The following FREM1 variants were observed in gnomAD, a reference collection of about 807,000 sequenced individuals.
FREM1 encodes the protein FRAS1-related extracellular matrix protein 1.
Under a neutral mutation model 210.1 loss-of-function variants are expected in FREM1, and 220 were observed. The observed-to-expected ratio is 1.05, with a 90% CI of 0.94 to 1.17. The LOEUF (loss-of-function observed/expected upper bound fraction) is 1.17, where lower values mean the gene tolerates loss of function less well. Ranked by LOEUF, FREM1 falls within the 50% of genes most tolerant of loss-of-function variation. The probability of loss-of-function intolerance (pLI) is 0.00; values close to 1 mark genes in which losing one functional copy is unlikely to be tolerated. For synonymous variants in FREM1, 1,189 were observed against 980.2 expected (o/e 1.21, Z -3.98); for missense variants, 3,454 against 2,675.5 (o/e 1.29, Z -6.42).
intron 24 of FREM1, chr9:14,782,330 G>T: frequency 1.0e-6 from 1 of 977,950 alleles, no homozygotes; most frequent in Non-Finnish European, 1.2e-6. Flanking sequence ...CGTTTCATAC[G>T]GAGGTTTTGT....
intron 28 of FREM1, among the ~76,000 whole-genome samples, chr9:14,758,760 C>T (rs370024484): frequency 6.6e-6 from 1 of 152,058 alleles, no homozygotes; most frequent in South Asian, 2.1e-4. Flanking sequence ...TCTCTTGAAG[C>T]GCTCTTGTTA....
Position 14,859,260 on chromosome 9 carries a change from T to C in FREM1, c.554A>G (p.His185Arg). ...AGGCTCCCCGAGAACCATCTGGCCA[T>C]GGGCTGGCAGCCGAGTTCTCGCAGT... ...LDTARTRLPA[H>R]GQMVLGEPRP... The change falls in exon 4 of 37, where the codon CAT becomes CGT. Residue 185 changes from histidine to arginine, a missense_variant. Transcript: ENST00000380880. The C allele has an allele frequency of 6.2e-7, 1 of 1,613,540 alleles. No homozygotes were observed. Among genetic ancestry groups the C allele is most frequent in the Non-Finnish European group, 8.5e-7 (1 of 1,179,614 alleles).
intron 10 of FREM1, among the ~76,000 whole-genome samples, chr9:14,833,079 G>A (rs1310983474): frequency 2.6e-5 from 4 of 152,088 alleles, no homozygotes; most frequent in Non-Finnish European, 4.4e-5. Flanking sequence ...CCATTTTACC[G>A]TGGTGGCTGT....
chr9:14,909,251 C>A (rs533058805), intron 1 of FREM1, among the ~76,000 whole-genome samples: 2 of 152,120 alleles, frequency 1.3e-5, no homozygotes, highest in African/African-American at 4.8e-5. Context: ...TTTCCATAAG[C>A]CAAAAATTGT....
At chr9:14,841,297 A>T in intron 10 of FREM1, 150 bp downstream of exon 10, 1 of 576,732 alleles carries the variant, frequency 1.7e-6, no homozygotes. Flanking sequence ...GAGTAGTCCT[A>T]TTGCAAAGAA....
Position 14,836,880 on chromosome 9 carries a change from T to A in FREM1, c.1881+4567A>T, listed in dbSNP as rs1215956286. On this transcript the variant is annotated intron_variant, in intron 10 of 36. Transcript: ENST00000380880. This position sits in a 1 kb window ranked among gnomAD's most constrained non-coding sequence, Gnocchi z 4.9. ...AGTGTGATATTGCCGCAGGGAGGAATGTGGTAGGAGTTATTAAGAAAAAGA... is the reference window on the plus strand; with the variant it reads ...AGTGTGATATTGCCGCAGGGAGGAAAGTGGTAGGAGTTATTAAGAAAAAGA... Among the ~76,000 whole-genome samples the A allele has an allele frequency of 6.6e-6, 1 of 152,086 alleles. No homozygotes were observed. The highest frequency in any genetic ancestry group is 1.5e-5 in the Non-Finnish European group (1 of 68,020).
rs1824621638 is a variant in FREM1, at chr9:14,836,394, G to A, written c.1881+5053C>T. 6.6e-6 allele frequency among the ~76,000 whole-genome samples: 1 copy of A among 152,164 alleles called. No individual in the cohort carries two copies. Among genetic ancestry groups the A allele is most frequent in the South Asian group, 2.1e-4 (1 of 4,830 alleles). On this transcript the variant is annotated intron_variant, in intron 10 of 36. Transcript: ENST00000380880. This position sits in a 1 kb window ranked among gnomAD's most constrained non-coding sequence, Gnocchi z 4.9. ...CTAAGTCTGCTAGGATTTTTTATTGGATTTAGTGATGCACTTTTAAATGAA... is the reference window on the plus strand; with the variant it reads ...CTAAGTCTGCTAGGATTTTTTATTGAATTTAGTGATGCACTTTTAAATGAA...
At chr9:14,782,240 TG>T in intron 24 of FREM1, 1 of 341,304 alleles carries the variant, frequency 2.9e-6, no homozygotes, top group Non-Finnish European at 4.1e-6. Flanking sequence ...TAGAAATTCC[TG>T]GGATAAATGA....
At chr9:14,841,090 A>T (rs1825616917) in intron 10 of FREM1, among the ~76,000 whole-genome samples, 1 of 152,234 alleles carries the variant, frequency 6.6e-6, no homozygotes, top group Admixed American at 6.5e-5. Context: ...GTCAGTGTCA[A>T]GATCAAGAGG....
At chr9:14,891,557 C>T (rs1836820880) in intron 1 of FREM1, among the ~76,000 whole-genome samples, 1 of 152,052 alleles carries the variant, frequency 6.6e-6, no homozygotes, top group Admixed American at 6.5e-5. Context: ...CAAGACCCTG[C>T]CTCAGAAAAG....
At chr9:14,779,228 G>A (rs1428116264) in intron 24 of FREM1, among the ~76,000 whole-genome samples, 1 of 150,056 alleles carries the variant, frequency 6.7e-6, no homozygotes, top group Non-Finnish European at 1.5e-5. Context: ...ACATTAAACT[G>A]GCTCTCTGTT....
intron 1 of FREM1, among the ~76,000 whole-genome samples, chr9:14,904,764 G>A (rs1431540608): frequency 2.0e-5 from 3 of 152,046 alleles, no homozygotes; most frequent in Non-Finnish European, 2.9e-5. Context: ...AACTGTGTCC[G>A]ACTGTCCCCT....
chr9:14,737,704 G>T (rs1840655052), intron 36 of FREM1, 109 bp from the exon 37 acceptor site: 4 of 873,144 alleles, frequency 4.6e-6, no homozygotes, highest in Non-Finnish European at 6.5e-6. Flanking sequence ...GTGGGCCCAG[G>T]TTCTAAAACA....
In FREM1 at chr9:14,737,381, T is replaced by C. The variant is rs776065036; in HGVS notation, c.*15A>G. ...GTGACAAACTCCAGGTGGCCCCCTGTAGGGTCTGTTATATTTAGAGTTTTC... is the reference window on the plus strand; with the variant it reads ...GTGACAAACTCCAGGTGGCCCCCTGCAGGGTCTGTTATATTTAGAGTTTTC... On this transcript the variant is annotated 3_prime_UTR_variant, in exon 37 of 37. Coordinates refer to ENST00000380880, the MANE Select transcript of FREM1 (RefSeq NM_001379081.2). 10 of 1,605,722 alleles carry C rather than the reference T, an allele frequency of 6.2e-6. No individual in the cohort carries two copies. Among genetic ancestry groups the C allele is most frequent in the Non-Finnish European group, 7.7e-6 (9 of 1,174,098 alleles).
At chr9:14,780,575 T>C (rs1310852651) in intron 24 of FREM1, among the ~76,000 whole-genome samples, 1 of 152,124 alleles carries the variant, frequency 6.6e-6, no homozygotes, top group Non-Finnish European at 1.5e-5. Flanking sequence ...CAAATCTTTC[T>C]TCCAGGCCAG....
At chr9:14,800,041 T>C (rs942999217) in intron 20 of FREM1, among the ~76,000 whole-genome samples, 2 of 147,344 alleles carry the variant, frequency 1.4e-5, no homozygotes, top group African/African-American at 5.0e-5. Context: ...AGTGAGAACA[T>C]GCAGTGTTTG....
chr9:14,755,577 A>G (rs868405256), intron 29 of FREM1, among the ~76,000 whole-genome samples: 2 of 152,344 alleles, frequency 1.3e-5, no homozygotes, highest in South Asian at 4.1e-4. Context: ...TACCTGTCCC[A>G]TCCACAGAAG....
At chr9:14,871,601 G>A (rs970063990) in intron 1 of FREM1, among the ~76,000 whole-genome samples, 2 of 152,060 alleles carry the variant, frequency 1.3e-5, no homozygotes, top group Non-Finnish European at 2.9e-5. Context: ...CCATTGTATA[G>A]GTTGCCTGTT....
intron 1 of FREM1, among the ~76,000 whole-genome samples, chr9:14,881,284 C>T (rs1315115577): frequency 6.6e-6 from 1 of 152,182 alleles, no homozygotes; most frequent in Non-Finnish European, 1.5e-5. Flanking sequence ...TATCACTGGT[C>T]AGCCTGTCTC....
Sources: gnomAD v4.1 joint callset for allele counts (sites outside exome capture counted in the v4.1 genomes callset) on GRCh38, gnomAD v4.1.1 for gene constraint, Gnocchi (gnomAD v3.1) non-coding constraint, MANE v1.5 for transcripts, NCBI Gene and HGNC (gene_info 2026-07-23, HGNC 2026-07-21) for gene names.